The following KCNJ12 variants were observed in gnomAD, a reference collection of about 807,000 sequenced individuals.
KCNJ12 encodes the protein potassium inwardly rectifying channel subfamily J member 12.
Under a neutral mutation model 22.3 loss-of-function variants are expected in KCNJ12, and 2 were observed. The ratio of observed to expected loss-of-function variants is 0.09; its 90% CI spans 0.04 to 0.28. The LOEUF (loss-of-function observed/expected upper bound fraction) is 0.28. KCNJ12 is among the 10% of genes least tolerant of loss of function. The pLI is 1.00. For missense variants in KCNJ12, 155 were observed against 633.3 expected, an observed-to-expected ratio of 0.24 and a Z score of 8.11; for synonymous variants, 117 against 261.4, an observed-to-expected ratio of 0.45 and a Z score of 5.33.
chr17:21,398,882 GT>G (rs1322808367), intron 1 of KCNJ12, among the ~76,000 whole-genome samples: 1 of 152,256 alleles, frequency 6.6e-6, no homozygotes, highest in African/African-American at 2.4e-5. Context: ...TGCTGGACCT[GT>G]TCTGGGTACT....
In KCNJ12 at chr17:21,415,360, G is replaced by T; in HGVS notation, c.18G>T (p.Arg6=). MTAAS[R]ANPYSIVSSE... is the part of the protein sequence containing the mutation. The stretch of plus-strand genomic sequence containing the variant: ...CCCCCGGGATGACCGCGGCCAGCCG[G>T]GCCAACCCCTACAGCATCGTGTCAT... Residue 6 remains arginine (R), a synonymous_variant, in exon 3 of 3, where the codon CGG becomes CGT. Transcript: ENST00000583088. 6.8e-6 allele frequency: 11 copies of T among 1,609,994 alleles called. No homozygotes were observed. Among genetic ancestry groups the T allele is most frequent in the Non-Finnish European group, 9.3e-6 (11 of 1,179,964 alleles).
At chr17:21,391,794 C>G in intron 1 of KCNJ12, among the ~76,000 whole-genome samples, 1 of 152,356 alleles carries the variant, frequency 6.6e-6, no homozygotes, top group African/African-American at 2.4e-5. Context: ...CCATCTACCT[C>G]GAGCCTGTGG....
At chr17:21,393,815 T>C (rs567360721) in intron 1 of KCNJ12, among the ~76,000 whole-genome samples, 1 of 152,338 alleles carries the variant, frequency 6.6e-6, no homozygotes, top group Admixed American at 6.5e-5. Flanking sequence ...GCCTCCACCC[T>C]GAGCAGTAGG....
intron 1 of KCNJ12, among the ~76,000 whole-genome samples, chr17:21,396,718 C>T (rs1905378655): frequency 6.6e-6 from 1 of 152,206 alleles, no homozygotes; most frequent in Admixed American, 6.5e-5. Context: ...TGGTCACTGT[C>T]CTAACCACTG....
At chr17:21,412,581 G>A (rs1231316468) in intron 2 of KCNJ12, among the ~76,000 whole-genome samples, 19 of 152,294 alleles carry the variant, frequency 1.2e-4, no homozygotes, top group Non-Finnish European at 1.9e-4. Context: ...CCTCTTTCTG[G>A]AGGGTCCAGG....
In KCNJ12 at chr17:21,383,224, C is replaced by T. The variant is rs548195243; in HGVS notation, c.-179+6311C>T. ...CCGCCCCGCTTGCTCCAGCTGCAGC[C>T]GGGCCCGAGCTGGCGGCTCCAGGCC... On this transcript the variant is annotated intron_variant, in intron 1 of 2. Transcript: ENST00000583088. Among the ~76,000 whole-genome samples the T allele has an allele frequency of 1.6e-4, 24 of 152,306 alleles. No individual in the cohort carries two copies. In the South Asian group the frequency reaches 4.6e-3, roughly 29 times the overall value.
chr17:21,388,382 C>A (rs564967299), intron 1 of KCNJ12, among the ~76,000 whole-genome samples: 8 of 152,168 alleles, frequency 5.3e-5, no homozygotes, highest in African/African-American at 7.2e-5. Context: ...TCCTCACTGC[C>A]CAGAGGGAGG....
chr17:21,402,877 A>C (rs1905706680), intron 1 of KCNJ12, among the ~76,000 whole-genome samples: 1 of 152,302 alleles, frequency 6.6e-6, no homozygotes, highest in Admixed American at 6.5e-5. Context: ...TGGATTACAG[A>C]GGGACTGAGG....
intron 2 of KCNJ12, among the ~76,000 whole-genome samples, chr17:21,414,686 C>G (rs567860418): frequency 6.6e-6 from 1 of 152,282 alleles, no homozygotes; most frequent in East Asian, 1.9e-4. Context: ...GCCAAGGTGG[C>G]GAGGCAGTGG....
chr17:21,396,737 G>T (rs1905379309), intron 1 of KCNJ12, among the ~76,000 whole-genome samples: 1 of 152,220 alleles, frequency 6.6e-6, no homozygotes. Flanking sequence ...TGGACCCCTG[G>T]AGTCACCAGA....
At chr17:21,378,890 C>T (rs1474698745) in intron 1 of KCNJ12, among the ~76,000 whole-genome samples, 1 of 152,146 alleles carries the variant, frequency 6.6e-6, no homozygotes, top group Non-Finnish European at 1.5e-5. Context: ...GGAGGGGACC[C>T]CTCCAGGAAT....
intron 1 of KCNJ12, among the ~76,000 whole-genome samples, chr17:21,390,094 C>T (rs1484346696): frequency 1.3e-5 from 2 of 152,142 alleles, no homozygotes; most frequent in African/African-American, 4.8e-5. Flanking sequence ...GGGTCCCTGA[C>T]TCCCCACCAG....
intron 1 of KCNJ12, among the ~76,000 whole-genome samples, chr17:21,387,417 G>C (rs192084985): frequency 8.2e-5 from 12 of 146,462 alleles, no homozygotes; most frequent in African/African-American, 3.1e-4. Context: ...ACTCCAGCCT[G>C]GCGACAGAGC....
chr17:21,386,733 C>CG (rs1905082491), intron 1 of KCNJ12, among the ~76,000 whole-genome samples: 1 of 152,080 alleles, frequency 6.6e-6, no homozygotes, highest in South Asian at 2.1e-4. Flanking sequence ...GTCTCGATCT[C>CG]TTGACCTTGT....
rs1555563375 is a variant in KCNJ12 at position 21,419,150 on chromosome 17, G to A, written c.*2506G>A. The A allele has an allele frequency of 6.0e-6, 1 of 167,108 alleles. No individual in the cohort carries two copies. Among genetic ancestry groups the A allele is most frequent in the African/African-American group, 2.4e-5 (1 of 41,440 alleles). The allele number at this position is 167,108 out of a possible 1,614,324, so 10.4% of individuals were successfully genotyped here. On this transcript the variant is annotated 3_prime_UTR_variant, in exon 3 of 3. Coordinates refer to ENST00000583088, the MANE Select transcript of KCNJ12 (RefSeq NM_021012.5). ...CGGGAGGGCGGATGGGATGAGCCAGGAGCGAGGAAGACTTGGCCCCTGGGG... is the reference window on the plus strand; with the variant it reads ...CGGGAGGGCGGATGGGATGAGCCAGAAGCGAGGAAGACTTGGCCCCTGGGG...
chr17:21,403,691 G>T (rs1196315083), intron 1 of KCNJ12, among the ~76,000 whole-genome samples: 1 of 152,276 alleles, frequency 6.6e-6, no homozygotes, highest in Non-Finnish European at 1.5e-5. Flanking sequence ...TGAGGCAGAG[G>T]CTCATAGCTG....
intron 2 of KCNJ12, among the ~76,000 whole-genome samples, chr17:21,415,060 A>T (rs1254068259): frequency 1.3e-5 from 2 of 152,290 alleles, no homozygotes; most frequent in Non-Finnish European, 2.9e-5. Flanking sequence ...TCAGTGTGGG[A>T]GTGAGGTGTG....
At chr17:21,381,620 A>G (rs966817476) in intron 1 of KCNJ12, among the ~76,000 whole-genome samples, 4 of 151,786 alleles carry the variant, frequency 2.6e-5, no homozygotes, top group Non-Finnish European at 5.9e-5. Context: ...TACCGCTTTC[A>G]TGTCTTGCCC....
At chr17:21,387,732 A>G (rs1041390167) in intron 1 of KCNJ12, among the ~76,000 whole-genome samples, 2 of 152,134 alleles carry the variant, frequency 1.3e-5, no homozygotes, top group Admixed American at 1.3e-4. Flanking sequence ...TGTTTAGTTA[A>G]CTGGCCTCAC....
Sources: gnomAD v4.1 joint callset for allele counts (sites outside exome capture counted in the v4.1 genomes callset) on GRCh38, gnomAD v4.1.1 for gene constraint, MANE v1.5 for transcripts, NCBI Gene and HGNC (gene_info 2026-07-23, HGNC 2026-07-21) for gene names.